Variants in RALYL observed in about 807,000 individuals in gnomAD.
RALYL encodes RALY RNA binding protein like.
In RALYL, 29 loss-of-function variants were observed where a neutral mutation model predicts 35.1. The observed-to-expected ratio is 0.83, with a 90% CI of 0.61 to 1.13. The LOEUF (loss-of-function observed/expected upper bound fraction) is 1.13, where lower values mean the gene tolerates loss of function less well. Ranked by LOEUF, RALYL falls within the 50% of genes most tolerant of loss-of-function variation. RALYL has a pLI of 0.00. For missense variants in RALYL, 359 were observed against 360.4 expected (o/e 1.00, Z 0.03); for synonymous variants, 120 against 127.6 (o/e 0.94, Z 0.40).
chr8:84,477,755 C>G (rs1362516402), intron 1 of RALYL, among the ~76,000 whole-genome samples: 1 of 151,478 alleles, frequency 6.6e-6, no homozygotes, highest in Non-Finnish European at 1.5e-5. Flanking sequence ...TTATCCTGAT[C>G]CTTAGAGCAA....
intron 2 of RALYL, among the ~76,000 whole-genome samples, chr8:84,625,472 AG>A (rs1461632990): frequency 6.6e-6 from 1 of 152,150 alleles, no homozygotes. Context: ...TTATAGAGAG[AG>A]TGTATTTGGT....
chr8:84,620,297 T>A (rs1821026303), intron 2 of RALYL, among the ~76,000 whole-genome samples: 1 of 152,212 alleles, frequency 6.6e-6, no homozygotes, highest in Non-Finnish European at 1.5e-5. Context: ...TCATTTCTTT[T>A]TATTACTTTT....
chr8:84,272,109 G>A (rs1056094372), intron 1 of RALYL, among the ~76,000 whole-genome samples: 5 of 150,772 alleles, frequency 3.3e-5, no homozygotes, highest in African/African-American at 9.8e-5. Context: ...TTGTTTTTTT[G>A]GAGATGGAGT....
chr8:84,205,613 T>G (rs1448867546), intron 1 of RALYL, among the ~76,000 whole-genome samples: 1 of 152,208 alleles, frequency 6.6e-6, no homozygotes, highest in Non-Finnish European at 1.5e-5. Flanking sequence ...ATAGTGTATA[T>G]TTGGGTCTGA....
chr8:84,706,050 A>G, intron 2 of RALYL: 6 of 1,535,202 alleles, frequency 3.9e-6, no homozygotes, highest in Non-Finnish European at 4.4e-6. Flanking sequence ...GCAAACGCAG[A>G]CATCAGAGAT....
At chr8:84,355,176 A>G (rs936499834) in intron 1 of RALYL, among the ~76,000 whole-genome samples, 2 of 150,430 alleles carry the variant, frequency 1.3e-5, no homozygotes, top group Non-Finnish European at 3.0e-5. Context: ...AAGGGGTCTT[A>G]AAAGTTCATT....
chr8:84,763,424 C>T (rs1289964819), intron 2 of RALYL, among the ~76,000 whole-genome samples: 1 of 152,146 alleles, frequency 6.6e-6, no homozygotes, highest in African/African-American at 2.4e-5. Flanking sequence ...ATTAATAGTG[C>T]TAAGTCTGTT....
chr8:84,419,395 C>G (rs371999077), intron 1 of RALYL, among the ~76,000 whole-genome samples: 66 of 152,136 alleles, frequency 4.3e-4, no homozygotes, highest in African/African-American at 1.6e-3. Context: ...CTGCCTGGAA[C>G]TCACTGCCTT....
intron 2 of RALYL, among the ~76,000 whole-genome samples, chr8:84,538,179 G>T (rs1345254793): frequency 6.6e-6 from 1 of 152,130 alleles, no homozygotes; most frequent in Non-Finnish European, 1.5e-5. Flanking sequence ...AAGCCCGGGG[G>T]ATTTGCTTTC....
At chr8:84,308,797 G>T (rs1402685472) in intron 1 of RALYL, among the ~76,000 whole-genome samples, 1 of 152,044 alleles carries the variant, frequency 6.6e-6, no homozygotes, top group African/African-American at 2.4e-5. Context: ...ACTATTGAAA[G>T]AAAAATGTGT....
At position 84,467,091 on chromosome 8, in the gene RALYL, C is replaced by T. The variant is rs1347970203; in HGVS notation, c.-23-62208C>T. Among the ~76,000 whole-genome samples the T allele has an allele frequency of 2.0e-5, 3 of 151,986 alleles. No homozygotes were observed. In the East Asian group the frequency reaches 5.8e-4, roughly 29 times the overall value. ...AATTTTGTTGATCCTTTCAAAAAAC[C>T]AGCTCCTGGATTCATTAATTTTTTG... On this transcript the variant is annotated intron_variant, in intron 1 of 8. Coordinates refer to ENST00000521268, the MANE Select transcript of RALYL (RefSeq NM_173848.7).
Position 84,690,030 on chromosome 8 carries a change from G to C in RALYL, c.257-84549G>C, listed in dbSNP as rs565379070. On this transcript the variant is annotated intron_variant, in intron 2 of 8. Coordinates refer to ENST00000521268, the MANE Select transcript of RALYL (RefSeq NM_173848.7). Reference sequence around the variant, plus strand: ...ACATCATCCAGTAATTACACTACTTGTATATTGAAAGGAAATGAAATCAGT... The same window carrying C: ...ACATCATCCAGTAATTACACTACTTCTATATTGAAAGGAAATGAAATCAGT... Among the ~76,000 whole-genome samples, 3 of 152,188 alleles carry C rather than the reference G, an allele frequency of 2.0e-5. No homozygotes were observed. The East Asian group carries it at 5.8e-4, about 29-fold the overall frequency.
At chr8:84,498,541 A>T (rs1457459650) in intron 1 of RALYL, among the ~76,000 whole-genome samples, 2 of 150,532 alleles carry the variant, frequency 1.3e-5, no homozygotes, top group East Asian at 3.9e-4. Context: ...TGCACTTCTA[A>T]CCTTTCTAGT....
chr8:84,831,660 C>A (rs1830950848), intron 4 of RALYL, among the ~76,000 whole-genome samples: 1 of 151,924 alleles, frequency 6.6e-6, no homozygotes, highest in South Asian at 2.1e-4. Flanking sequence ...TTAAAAAATT[C>A]AGCTGGTAAA....
At chr8:84,622,777 T>C (rs1191619726) in intron 2 of RALYL, among the ~76,000 whole-genome samples, 1 of 152,062 alleles carries the variant, frequency 6.6e-6, no homozygotes, top group Non-Finnish European at 1.5e-5. Flanking sequence ...TAATGGGAAA[T>C]AAAGGAAACA....
At chr8:84,786,664 T>G (rs939828895) in intron 3 of RALYL, among the ~76,000 whole-genome samples, 1 of 152,204 alleles carries the variant, frequency 6.6e-6, no homozygotes, top group African/African-American at 2.4e-5. Context: ...TTACCTACTT[T>G]TTAATAGAGT....
chr8:84,220,286 C>T (rs1821877056), intron 1 of RALYL, among the ~76,000 whole-genome samples: 1 of 151,960 alleles, frequency 6.6e-6, no homozygotes, highest in African/African-American at 2.4e-5. Flanking sequence ...CAATAACTTG[C>T]TTTGTCATAT....
At chr8:84,361,563 C>T (rs73296865) in intron 1 of RALYL, among the ~76,000 whole-genome samples, 1 of 152,100 alleles carries the variant, frequency 6.6e-6, no homozygotes, top group Non-Finnish European at 1.5e-5. Context: ...AGCCATAATT[C>T]ATCTGAAAAG....
chr8:84,779,512 C>G (rs1057251365), intron 3 of RALYL, among the ~76,000 whole-genome samples: 1 of 152,070 alleles, frequency 6.6e-6, no homozygotes, highest in Non-Finnish European at 1.5e-5. Context: ...GTACTATTGC[C>G]AAATATTGCT....
Sources: allele counts gnomAD v4.1 joint callset (sites outside exome capture counted in the v4.1 genomes callset), GRCh38; gene constraint gnomAD v4.1.1; transcripts MANE v1.5; gene names NCBI Gene and HGNC (gene_info 2026-07-23, HGNC 2026-07-21).